Variants in MACROD1 observed in about 807,000 individuals in gnomAD.
MACROD1 encodes ADP-ribose glycohydrolase MACROD1.
A neutral mutation model predicts 41.4 loss-of-function variants in MACROD1; 31 were observed. The observed-to-expected ratio is 0.75, with a 90% CI of 0.56 to 1.01. The LOEUF is 1.01. MACROD1 is among the 50% of genes least tolerant of loss of function. The pLI is 0.00. For synonymous variants in MACROD1, 252 were observed against 203.4 expected (o/e 1.24, Z -2.03); for missense variants, 473 against 460.0 (o/e 1.03, Z -0.26).
chr11:64,131,843 T>C (rs1172408212), intron 3 of MACROD1, among the ~76,000 whole-genome samples: 1 of 152,094 alleles, frequency 6.6e-6, no homozygotes, highest in Non-Finnish European at 1.5e-5. Flanking sequence ...TATTTGTGGT[T>C]GGTTGATGAA....
At chr11:64,099,249 C>T (rs1042414110) in intron 3 of MACROD1, among the ~76,000 whole-genome samples, 1 of 152,222 alleles carries the variant, frequency 6.6e-6, no homozygotes, top group Non-Finnish European at 1.5e-5. Flanking sequence ...CTGGGCAAGG[C>T]GGGGCTCTTG....
chr11:64,083,367 T>C (rs1590883100), intron 3 of MACROD1, among the ~76,000 whole-genome samples: 2 of 152,120 alleles, frequency 1.3e-5, no homozygotes, highest in African/African-American at 2.4e-5. Flanking sequence ...ACCCAGGAAG[T>C]GGAGATTGCC....
chr11:64,066,676 G>A (rs1036728372), intron 3 of MACROD1, among the ~76,000 whole-genome samples: 3 of 151,622 alleles, frequency 2.0e-5, no homozygotes, highest in Non-Finnish European at 1.5e-5. Flanking sequence ...AAATAATCAC[G>A]CTCCTTCTGA....
At chr11:64,014,754 C>T (rs962207137) in intron 4 of MACROD1, among the ~76,000 whole-genome samples, 3 of 152,248 alleles carry the variant, frequency 2.0e-5, no homozygotes, top group Admixed American at 6.5e-5. Context: ...CTGCCTGGCC[C>T]TTCCAGAACC....
chr11:64,109,683 G>A (rs992402096), intron 3 of MACROD1, among the ~76,000 whole-genome samples: 32 of 152,166 alleles, frequency 2.1e-4, no homozygotes, highest in African/African-American at 7.2e-4. Context: ...TCCCATGGGA[G>A]GCTGGTGCGG....
chr11:64,131,051 C>T (rs997384707), intron 3 of MACROD1, among the ~76,000 whole-genome samples: 1 of 152,230 alleles, frequency 6.6e-6, no homozygotes, highest in African/African-American at 2.4e-5. Context: ...TTTACTGCCA[C>T]CCAGAATTCA....
At chr11:64,062,505 C>G (rs954975546) in intron 3 of MACROD1, among the ~76,000 whole-genome samples, 9 of 152,226 alleles carry the variant, frequency 5.9e-5, no homozygotes, top group African/African-American at 1.9e-4. Flanking sequence ...CTGGCGCAGC[C>G]TCCTCCTGCA....
chr11:64,044,753 G>A (rs1400012910), intron 3 of MACROD1, among the ~76,000 whole-genome samples: 2 of 152,100 alleles, frequency 1.3e-5, no homozygotes, highest in Non-Finnish European at 2.9e-5. Context: ...CTGAGCTTTG[G>A]TATCTGTCAT....
chr11:64,059,819 G>A (rs988868007), intron 3 of MACROD1, among the ~76,000 whole-genome samples: 1 of 152,222 alleles, frequency 6.6e-6, no homozygotes, highest in African/African-American at 2.4e-5. Flanking sequence ...CAAGGGTCCT[G>A]ACCCCGAGAG....
rs368397491 is a variant in MACROD1 at position 64,151,278 on chromosome 11, C to T, written c.478G>A (p.Asp160Asn). The T allele has an allele frequency of 8.1e-6, 13 of 1,613,794 alleles. No individual in the cohort carries two copies. The highest frequency in any genetic ancestry group is 1.3e-5 in the African/African-American group (1 of 74,940). The part of the protein sequence containing the change: ...LNEKISLLRS[D>N]ITKLEVDAIV... The stretch of plus-strand genomic sequence containing the variant: ...GCGTCCACCTCCAGCTTGGTGATGT[C>T]GCTGCGGAGCAGGGAGATTTTCTCA... Residue 160 changes from aspartate to asparagine, a missense_variant, in exon 3 of 11, where the codon GAC becomes AAC. Asp to Asn is a conservative substitution (Grantham distance 23, BLOSUM62 1). Coordinates refer to ENST00000255681, the MANE Select transcript of MACROD1 (RefSeq NM_014067.4).
intron 3 of MACROD1, among the ~76,000 whole-genome samples, chr11:64,034,745 G>A (rs1263633122): frequency 6.6e-6 from 1 of 152,244 alleles, no homozygotes; most frequent in African/African-American, 2.4e-5. Flanking sequence ...AGGGCCGGCA[G>A]AGGGGGTCCC....
In MACROD1 at chr11:64,143,745, CACACACAT is replaced by C. The variant is rs1224740504; in HGVS notation, c.517+7486_517+7493del. On this transcript the variant is annotated intron_variant, in intron 3 of 10. Coordinates refer to ENST00000255681, the MANE Select transcript of MACROD1 (RefSeq NM_014067.4). ...AGGTATTCCCTTCCCCCAACCCCGACACACACATACACACACACACACACACACACACA... is the reference window on the plus strand; with the variant it reads ...AGGTATTCCCTTCCCCCAACCCCGACACACACACACACACACACACACACA... Among the ~76,000 whole-genome samples the C allele has an allele frequency of 4.3e-3, 395 of 92,550 alleles. 9 individuals carry two copies. Among genetic ancestry groups the C allele is most frequent in the East Asian group, 0.013 (37 of 2,812 alleles). The allele number at this position is 92,550 out of a possible 152,430, so 60.7% of individuals were successfully genotyped here.
rs767227500 is a variant in MACROD1, at chr11:63,999,540, G to A, written c.807C>T (p.Thr269=). The A allele has an allele frequency of 6.2e-7, 1 of 1,609,436 alleles. No homozygotes were observed. The highest frequency in any genetic ancestry group is 8.5e-7 in the Non-Finnish European group (1 of 1,178,468). The change falls in exon 7 of 11, where the codon ACC becomes ACT. Residue 269 remains threonine, a synonymous_variant. Transcript: ENST00000255681. The part of the protein sequence containing the change: ...LRSVAFPCIS[T]GVFGYPCEAA... Reference sequence around the variant, plus strand: ...TTCTTCCAGACTCACCAAACACGCCGGTGGAGATGCAGGGGAACGCCTGGG... The same window carrying A: ...TTCTTCCAGACTCACCAAACACGCCAGTGGAGATGCAGGGGAACGCCTGGG...
rs1945080818 is a variant in MACROD1 at position 64,120,549 on chromosome 11, G to A, written c.517+30690C>T. 6.6e-6 allele frequency among the ~76,000 whole-genome samples: 1 copy of A among 152,186 alleles called. No individual in the cohort carries two copies. The highest frequency in any genetic ancestry group is 1.5e-5 in the Non-Finnish European group (1 of 68,030). Reference sequence around the variant, plus strand: ...AAAAATGCAAAAATTAGCCAGGCATGGTGGCAGGCGCCTGTTACCTGGCTA... The same window carrying A: ...AAAAATGCAAAAATTAGCCAGGCATAGTGGCAGGCGCCTGTTACCTGGCTA... On this transcript the variant is annotated intron_variant, in intron 3 of 10. Coordinates refer to ENST00000255681, the MANE Select transcript of MACROD1 (RefSeq NM_014067.4). This position sits in a 1 kb window ranked among gnomAD's most constrained non-coding sequence, Gnocchi z 4.5.
chr11:64,035,657 G>A lies in MACROD1; in HGVS notation c.518-20376C>T, dbSNP rs1259660670. Among the ~76,000 whole-genome samples the A allele has an allele frequency of 2.8e-5, 4 of 144,514 alleles. No homozygotes were observed. In the Admixed American group the frequency reaches 2.8e-4, roughly 10 times the overall value. The allele number at this position is 144,514 out of a possible 152,430, so 94.8% of individuals were successfully genotyped here. A position where few individuals can be genotyped will look rare whatever the true frequency, so the allele number is the denominator to read the frequency against. On this transcript the variant is annotated intron_variant, in intron 3 of 10. Transcript: ENST00000255681. ...CCCGGCTGGGCCAGAATCCCCGCGC[G>A]GCGGCGCAGCCTCCCGCGCCGGGTC...
intron 3 of MACROD1, among the ~76,000 whole-genome samples, chr11:64,092,868 G>T (rs966951105): frequency 1.3e-5 from 2 of 152,242 alleles, no homozygotes; most frequent in African/African-American, 4.8e-5. Context: ...AAAGTCAATG[G>T]GTAACCGCTG....
Position 64,120,638 on chromosome 11 carries a change from T to C in MACROD1, c.517+30601A>G, listed in dbSNP as rs1590939543. 1.3e-5 allele frequency among the ~76,000 whole-genome samples: 2 copies of C among 151,450 alleles called. No individual in the cohort carries two copies. Among genetic ancestry groups the C allele is most frequent in the South Asian group, 4.2e-4 (2 of 4,802 alleles). On this transcript the variant is annotated intron_variant, in intron 3 of 10. Transcript: ENST00000255681. This position sits in a 1 kb window ranked among gnomAD's most constrained non-coding sequence, Gnocchi z 4.5. ...AGGCAGAGGCTGCAGTGAACCGAGA[T>C]TGCGCCACTGCATTCCAGCCTGGGC...
At chr11:64,039,451 C>T (rs1172971203) in intron 3 of MACROD1, among the ~76,000 whole-genome samples, 1 of 152,184 alleles carries the variant, frequency 6.6e-6, no homozygotes, top group Non-Finnish European at 1.5e-5. Flanking sequence ...CTGTGTTGTT[C>T]TGCCGGAGAC....
At chr11:64,110,821 A>G (rs890325047) in intron 3 of MACROD1, among the ~76,000 whole-genome samples, 1 of 152,166 alleles carries the variant, frequency 6.6e-6, no homozygotes, top group Admixed American at 6.5e-5. Flanking sequence ...GAAACACACA[A>G]CAAGGGAATA....
Sources: gnomAD v4.1 joint callset for allele counts (sites outside exome capture counted in the v4.1 genomes callset) on GRCh38, gnomAD v4.1.1 for gene constraint, Gnocchi (gnomAD v3.1) non-coding constraint, MANE v1.5 for transcripts, NCBI Gene and HGNC (gene_info 2026-07-23, HGNC 2026-07-21) for gene names.